Variants in CGREF1 observed in about 807,000 individuals in gnomAD.
The protein encoded by CGREF1 is cell growth regulator with EF hand domain protein 1.
A neutral mutation model predicts 17.4 loss-of-function variants in CGREF1; 16 were observed. The observed-to-expected ratio is 0.92, with a 90% CI of 0.62 to 1.40. The LOEUF is 1.40. Among genes scored for constraint, CGREF1 ranks in the 40% most tolerant of loss-of-function variants. CGREF1 has a pLI of 0.00. For synonymous variants in CGREF1, 142 were observed against 154.6 expected (o/e 0.92, Z 0.61); for missense variants, 296 against 376.4 (o/e 0.79, Z 1.77).
chr2:27,111,751 G>C lies in CGREF1; in HGVS notation c.-12+7095C>G, dbSNP rs560702243. ...CTGCCCGGGGCCGGCGGGGCCGGCC[G>C]GCAGCTCCGAGTGCTGGGCCCCCGA... On this transcript the variant is annotated intron_variant, in intron 1 of 5. Coordinates refer to ENST00000402394, the MANE Select transcript of CGREF1 (RefSeq NM_006569.6). 3.3e-5 allele frequency among the ~76,000 whole-genome samples: 5 copies of C among 152,030 alleles called. No homozygotes were observed. In the East Asian group the frequency reaches 9.7e-4, roughly 29 times the overall value.
Position 27,100,957 on chromosome 2 carries a change from G to A in CGREF1, c.*317C>T. On this transcript the variant is annotated 3_prime_UTR_variant, in exon 6 of 6. Transcript: ENST00000402394. ...CATGGCTAGCACCATGCGCTCTGCT[G>A]CCGGAGCACCGTGAGGCCCAGAAAC... 1 of 1,151,260 alleles carries A rather than the reference G, an allele frequency of 8.7e-7. No homozygotes were observed. The highest frequency in any genetic ancestry group is 1.1e-6 in the Non-Finnish European group (1 of 935,046). 71.3% of individuals were successfully genotyped at this position (1,151,260 alleles called of 1,614,324 possible).
chr2:27,100,453 C>T, downstream of CGREF1: 1 of 1,290,986 alleles, frequency 7.7e-7, no homozygotes, highest in African/African-American at 1.5e-5. Context: ...CAAATGTGAC[C>T]CAGGATACAG....
chr2:27,107,637 A>T (rs528432781), intron 1 of CGREF1, among the ~76,000 whole-genome samples: 83 of 137,146 alleles, frequency 6.1e-4, no homozygotes, highest in East Asian at 4.0e-3. Context: ...AGTATGTTTT[A>T]AAAAAAAAAA....
At position 27,100,733 on chromosome 2, in the gene CGREF1, T is replaced by C. The variant is rs1211209172; in HGVS notation, c.*541A>G. On this transcript the variant is annotated 3_prime_UTR_variant, in exon 6 of 6. Coordinates refer to ENST00000402394, the MANE Select transcript of CGREF1 (RefSeq NM_006569.6). ...ATTATTGTGAGGATAAAATCATATA[T>C]AAAATGCCCAGCATGATGCCTGATG... The C allele has an allele frequency of 1.8e-6, 2 of 1,142,482 alleles. No individual in the cohort carries two copies. Among genetic ancestry groups the C allele is most frequent in the Non-Finnish European group, 2.2e-6 (2 of 901,490 alleles). 70.8% of individuals were successfully genotyped at this position (1,142,482 alleles called of 1,614,324 possible). A position where few individuals can be genotyped will look rare whatever the true frequency, so the allele number is the denominator to read the frequency against.
chr2:27,110,781 C>T (rs1238388194), intron 1 of CGREF1: 1 of 153,612 alleles, frequency 6.5e-6, no homozygotes, highest in Non-Finnish European at 1.4e-5. Context: ...GGCGGCGTGT[C>T]TGGAGTTTGT....
At chr2:27,099,618 C>A (rs1670667357), downstream of CGREF1, 1 of 1,613,956 alleles carries the variant, frequency 6.2e-7, no homozygotes. Flanking sequence ...TGGGACCTGT[C>A]CCTGCCCCAA....
At chr2:27,111,134 C>G (rs560768542) in intron 1 of CGREF1, among the ~76,000 whole-genome samples, 1 of 152,338 alleles carries the variant, frequency 6.6e-6, no homozygotes, top group East Asian at 1.9e-4. Context: ...CTTTTATTCT[C>G]TTATCCGGCC....
Position 27,102,536 on chromosome 2 carries a change from C to T in CGREF1, c.136G>A (p.Glu46Lys), listed in dbSNP as rs370263143. ...LLPNPFQPGQEQLGLLQSYLK... is the reference protein window; with the variant it reads ...LLPNPFQPGQKQLGLLQSYLK... Reference sequence around the variant, plus strand: ...GCCCACCCTACTCACCCGAGCTGCTCCTGGCCTGGCTGGAAGGGGTTGGGC... The same window carrying T: ...GCCCACCCTACTCACCCGAGCTGCTTCTGGCCTGGCTGGAAGGGGTTGGGC... Residue 46 changes from glutamate to lysine, a missense_variant, in exon 3 of 6, where the codon GAG (glutamate) becomes AAG (lysine). Transcript: ENST00000402394. 37 of 1,613,934 alleles carry T rather than the reference C, an allele frequency of 2.3e-5. No individual in the cohort carries two copies. In the African/African-American group the frequency reaches 3.5e-4, roughly 15 times the overall value.
chr2:27,106,280 A>T (rs768022625), intron 1 of CGREF1, among the ~76,000 whole-genome samples: 14 of 152,260 alleles, frequency 9.2e-5, no homozygotes, highest in Admixed American at 1.3e-4. Flanking sequence ...TGAAAACAGT[A>T]ATCTGGGGGA....
chr2:27,118,616 T>A (rs1273353033), intron 1 of CGREF1, among the ~76,000 whole-genome samples: 3 of 152,160 alleles, frequency 2.0e-5, no homozygotes, highest in Non-Finnish European at 4.4e-5. Context: ...AAGCCCCAAA[T>A]TCACACCAAG....
At chr2:27,103,838 C>T (rs1213331372) in intron 2 of CGREF1, among the ~76,000 whole-genome samples, 1 of 151,986 alleles carries the variant, frequency 6.6e-6, no homozygotes, top group Non-Finnish European at 1.5e-5. Flanking sequence ...CAAAAATTAG[C>T]CCAGCATGGT....
At chr2:27,102,856 T>G (rs1670959023) in intron 2 of CGREF1, 21 of 874,808 alleles carry the variant, frequency 2.4e-5, no homozygotes, top group Non-Finnish European at 2.7e-5. Context: ...AGAGGCCAGA[T>G]GAGGCCACAC....
chr2:27,111,352 G>A (rs1401681924), intron 1 of CGREF1, among the ~76,000 whole-genome samples: 9 of 152,206 alleles, frequency 5.9e-5, no homozygotes, highest in Non-Finnish European at 1.3e-4. Flanking sequence ...TACAAACCTT[G>A]AGCTAGATAC....
At chr2:27,101,924 C>A in intron 5 of CGREF1, 36 bp from the exon 6 acceptor site, 1 of 1,600,060 alleles carries the variant, frequency 6.2e-7, no homozygotes, top group South Asian at 1.1e-5. Context: ...TCTCCAGGGA[C>A]AGAGATGTTC....
intron 1 of CGREF1, among the ~76,000 whole-genome samples, chr2:27,106,838 G>T (rs1023758902): frequency 6.6e-6 from 1 of 152,060 alleles, no homozygotes; most frequent in South Asian, 2.1e-4. Flanking sequence ...AGCTGGTCTC[G>T]AACTCCTGAT....
intron 1 of CGREF1, among the ~76,000 whole-genome samples, chr2:27,110,261 G>A (rs1397405490): frequency 6.6e-6 from 1 of 152,064 alleles, no homozygotes; most frequent in African/African-American, 2.4e-5. Flanking sequence ...AATTAGCTGG[G>A]TGTGGTGACA....
At chr2:27,106,101 G>A (rs1026975266) in intron 1 of CGREF1, among the ~76,000 whole-genome samples, 22 of 152,188 alleles carry the variant, frequency 1.4e-4, no homozygotes, top group African/African-American at 5.1e-4. Flanking sequence ...AACCGTCAAA[G>A]GGTCACAGCC....
In CGREF1 at chr2:27,102,438, A is replaced by C. The variant is rs773757961; in HGVS notation, c.147-8T>G. ...AGGTAGCTCTGCAGAAGTCTGTCAGAAAAGTGGAGAATCAGCCCGGGAGAG... is the reference window on the plus strand; with the variant it reads ...AGGTAGCTCTGCAGAAGTCTGTCAGCAAAGTGGAGAATCAGCCCGGGAGAG... On this transcript the variant is annotated splice_polypyrimidine_tract_variant and splice_region_variant and intron_variant, in intron 3 of 5. Transcript: ENST00000402394. The C allele has an allele frequency of 6.2e-7, 1 of 1,614,066 alleles. No homozygotes were observed. The highest frequency in any genetic ancestry group is 1.1e-5 in the South Asian group (1 of 91,078).
Position 27,100,883 on chromosome 2 carries a change from G to A in CGREF1, c.*391C>T. On this transcript the variant is annotated 3_prime_UTR_variant, in exon 6 of 6. Coordinates refer to ENST00000402394, the MANE Select transcript of CGREF1 (RefSeq NM_006569.6). ...GTGAGGGGGAACCGGTGAGGGTTTGGGGCCCAGGGATAGACTGAGCTTTCC... is the reference window on the plus strand; with the variant it reads ...GTGAGGGGGAACCGGTGAGGGTTTGAGGCCCAGGGATAGACTGAGCTTTCC... 1 of 1,093,000 alleles carries A rather than the reference G, an allele frequency of 9.1e-7. No individual in the cohort carries two copies. Among genetic ancestry groups the A allele is most frequent in the African/African-American group, 1.7e-5 (1 of 60,106 alleles). The allele number at this position is 1,093,000 out of a possible 1,614,324, so 67.7% of individuals were successfully genotyped here. A position where few individuals can be genotyped will look rare whatever the true frequency, so the allele number is the denominator to read the frequency against.
Sources: allele counts gnomAD v4.1 joint callset (sites outside exome capture counted in the v4.1 genomes callset), GRCh38; gene constraint gnomAD v4.1.1; transcripts MANE v1.5; gene names NCBI Gene and HGNC (gene_info 2026-07-23, HGNC 2026-07-21).